Variants in DLGAP1 observed in about 807,000 individuals in gnomAD.
The protein encoded by DLGAP1 is DLG associated protein 1.
A neutral mutation model predicts 90.8 loss-of-function variants in DLGAP1; 11 were observed. The ratio of observed to expected loss-of-function variants is 0.12; its 90% CI spans 0.08 to 0.20. The LOEUF (loss-of-function observed/expected upper bound fraction) is 0.20, where lower values mean the gene tolerates loss of function less well. Ranked by LOEUF, DLGAP1 falls within the 10% of genes least tolerant of loss-of-function variation. The pLI is 1.00. For synonymous variants in DLGAP1, 558 were observed against 540.7 expected, an observed-to-expected ratio of 1.03 and a Z score of -0.44; for missense variants, 1,050 against 1,333.8, an observed-to-expected ratio of 0.79 and a Z score of 3.31.
chr18:4,066,302 T>C (rs2075368975), intron 2 of DLGAP1, among the ~76,000 whole-genome samples: 1 of 152,064 alleles, frequency 6.6e-6, no homozygotes, highest in Non-Finnish European at 1.5e-5. Context: ...AAAGCAAAAG[T>C]AGACAAATAT....
intron 3 of DLGAP1, among the ~76,000 whole-genome samples, chr18:3,971,739 T>A (rs1054152061): frequency 6.6e-6 from 1 of 152,062 alleles, no homozygotes; most frequent in African/African-American, 2.4e-5. Flanking sequence ...TTTTGAAGAG[T>A]CACAGGGCAA....
At chr18:3,777,296 C>A (rs1387165074) in intron 5 of DLGAP1, among the ~76,000 whole-genome samples, 1 of 151,916 alleles carries the variant, frequency 6.6e-6, no homozygotes, top group African/African-American at 2.4e-5. Context: ...TCAGAAATAC[C>A]CCCAGGGACC....
At chr18:4,098,084 C>A (rs2075713565) in intron 2 of DLGAP1, among the ~76,000 whole-genome samples, 1 of 152,104 alleles carries the variant, frequency 6.6e-6, no homozygotes, top group East Asian at 1.9e-4. Context: ...TGGCTAATCT[C>A]TTTTGTATTT....
chr18:4,258,010 T>TGTGTGTGCGC (rs529531621), intron 1 of DLGAP1, among the ~76,000 whole-genome samples: 7 of 137,004 alleles, frequency 5.1e-5, no homozygotes, highest in African/African-American at 2.0e-4. Flanking sequence ...TGTGTGTGTG[T>TGTGTGTGCGC]GCGCGCGCGC....
At chr18:4,008,797 A>G (rs2074357254) in intron 2 of DLGAP1, among the ~76,000 whole-genome samples, 1 of 152,188 alleles carries the variant, frequency 6.6e-6, no homozygotes, top group African/African-American at 2.4e-5. Flanking sequence ...CTTTTAAACC[A>G]ATGCACAAAA....
chr18:4,069,040 T>G (rs982428312), intron 2 of DLGAP1, among the ~76,000 whole-genome samples: 1 of 152,164 alleles, frequency 6.6e-6, no homozygotes, highest in African/African-American at 2.4e-5. Flanking sequence ...TTCAATGTCC[T>G]TTTGGGGTTA....
chr18:4,451,850 T>C (rs1038474591), intron 1 of DLGAP1, among the ~76,000 whole-genome samples: 6 of 151,628 alleles, frequency 4.0e-5, no homozygotes, highest in Non-Finnish European at 8.8e-5. Flanking sequence ...TTCTTTAAAA[T>C]AAAAAAAATG....
intron 2 of DLGAP1, among the ~76,000 whole-genome samples, chr18:4,049,786 T>C (rs2075105962): frequency 6.6e-6 from 1 of 152,078 alleles, no homozygotes; most frequent in Admixed American, 6.6e-5. Context: ...ATCATCATAA[T>C]TGCCTCTGGG....
chr18:4,177,802 C>A (rs8088413), intron 1 of DLGAP1, among the ~76,000 whole-genome samples: 52,620 of 151,974 alleles, frequency 0.35, 9,528 homozygotes, highest in East Asian at 0.69. Context: ...TTATCTTGTT[C>A]TTTTCTATGG....
intron 4 of DLGAP1, among the ~76,000 whole-genome samples, chr18:3,859,845 A>C (rs2069915502): frequency 6.6e-6 from 1 of 152,122 alleles, no homozygotes. Context: ...TCACGCCTGT[A>C]ATCCCAGCAC....
rs578224136 is a variant in DLGAP1 at position 3,713,496 on chromosome 18, G to A, written c.1591+15639C>T. Among the ~76,000 whole-genome samples the A allele has an allele frequency of 1.3e-4, 20 of 152,294 alleles. 1 individual carries two copies. In the South Asian group the frequency reaches 3.9e-3, roughly 30 times the overall value. ...GGGGAAATGAGTAAATGTTACAGTG[G>A]CTTGTTAGTAGTTAGAAGAATGAGC... is the stretch of plus-strand genomic sequence containing the variant. On this transcript the variant is annotated intron_variant, in intron 7 of 12. Transcript: ENST00000315677.
intron 2 of DLGAP1, among the ~76,000 whole-genome samples, chr18:4,027,784 A>G (rs918753734): frequency 6.6e-6 from 1 of 152,200 alleles, no homozygotes; most frequent in Admixed American, 6.5e-5. Context: ...TGTAACATAA[A>G]AAACACCTCA....
chr18:4,447,606 G>A (rs752105575), intron 1 of DLGAP1, among the ~76,000 whole-genome samples: 1 of 151,520 alleles, frequency 6.6e-6, no homozygotes, highest in Middle Eastern at 3.4e-3. Flanking sequence ...GACACAAAGG[G>A]GTTTATAATA....
At chr18:4,041,480 T>C (rs527803402) in intron 2 of DLGAP1, among the ~76,000 whole-genome samples, 4 of 152,368 alleles carry the variant, frequency 2.6e-5, no homozygotes, top group South Asian at 4.1e-4. Flanking sequence ...TAATGTTTCA[T>C]GTTTGAGCAT....
At chr18:4,162,292 T>C (rs1363150095) in intron 1 of DLGAP1, among the ~76,000 whole-genome samples, 1 of 152,172 alleles carries the variant, frequency 6.6e-6, no homozygotes, top group Non-Finnish European at 1.5e-5. Flanking sequence ...AAAGGATTAT[T>C]GGTATCAATA....
At chr18:4,438,453 AAG>A (rs2083455045) in intron 1 of DLGAP1, among the ~76,000 whole-genome samples, 1 of 150,692 alleles carries the variant, frequency 6.6e-6, no homozygotes, top group Non-Finnish European at 1.5e-5. Context: ...AAAAAAAAAA[AAG>A]AAATCTCATC....
At chr18:3,541,814 G>A (rs1175762777) in intron 9 of DLGAP1, among the ~76,000 whole-genome samples, 2 of 152,122 alleles carry the variant, frequency 1.3e-5, no homozygotes, top group Non-Finnish European at 2.9e-5. Context: ...TACGAAGGCT[G>A]TGAGCTTTGA....
At chr18:4,440,120 CAAAAA>C (rs35152199) in intron 1 of DLGAP1, among the ~76,000 whole-genome samples, 1 of 49,350 alleles carries the variant, frequency 2.0e-5, no homozygotes, top group Non-Finnish European at 3.6e-5. Flanking sequence ...ACTCCGTCAC[CAAAAA>C]AAAAAAAAAA....
rs1199930685 is a variant in DLGAP1 at position 3,711,863 on chromosome 18, A to T, written c.1591+17272T>A. Among the ~76,000 whole-genome samples, 1 of 152,070 alleles carries T rather than the reference A, an allele frequency of 6.6e-6. No homozygotes were observed. Among genetic ancestry groups the T allele is most frequent in the African/African-American group, 2.4e-5 (1 of 41,410 alleles). On this transcript the variant is annotated intron_variant, in intron 7 of 12. Coordinates refer to ENST00000315677, the MANE Select transcript of DLGAP1 (RefSeq NM_004746.4). This position sits in a 1 kb window ranked among gnomAD's most constrained non-coding sequence, Gnocchi z 4.0. ...CAAAAAGAAAGAAAAAGAAAAAAAT[A>T]AAAAAAGGAAGACAGAAATGCATCG...
Sources: allele counts gnomAD v4.1 joint callset (sites outside exome capture counted in the v4.1 genomes callset), GRCh38; gene constraint gnomAD v4.1.1; non-coding constraint Gnocchi (gnomAD v3.1); transcripts MANE v1.5; gene names NCBI Gene and HGNC (gene_info 2026-07-23, HGNC 2026-07-21).